Variants in INA observed in about 807,000 individuals in gnomAD.
INA encodes the protein internexin neuronal intermediate filament protein alpha.
In INA, 35 loss-of-function variants were observed where a neutral mutation model predicts 40.1. The ratio of observed to expected loss-of-function variants is 0.87; its 90% confidence interval spans 0.67 to 1.16. The LOEUF is 1.16. INA is among the 50% of genes most tolerant of loss of function. The pLI is 0.00. For missense variants in INA, 594 were observed against 686.7 expected (o/e 0.87, Z 1.51); for synonymous variants, 290 against 316.9 (o/e 0.92, Z 0.90).
Position 103,288,568 on chromosome 10 carries a change from G to C in INA, c.1399G>C (p.Gly467Arg). Residue 467 changes from glycine to arginine, a missense_variant, in exon 3 of 3, where the codon GGG (glycine) becomes CGG (arginine). By Grantham distance (125) the Gly-to-Arg change is moderately radical. Around this residue, in one of 2 missense-constraint regions of INA, gnomAD observed 379 missense variants for 496.1 expected, o/e 0.76. Coordinates refer to ENST00000369849, the MANE Select transcript of INA (RefSeq NM_032727.4). ...AGCCTCTAAGAAAACCTCCCAGATA[G>C]GGGAAAGTTTTGAAGAAATATTAGA... is the stretch of plus-strand genomic sequence containing the variant. ...KVASKKTSQI[G>R]ESFEEILEET... 6.2e-7 allele frequency: 1 copy of C among 1,613,594 alleles called. No individual in the cohort carries two copies. The highest frequency in any genetic ancestry group is 8.5e-7 in the Non-Finnish European group (1 of 1,179,678).
chr10:103,277,621 C>G lies in INA; in HGVS notation c.410C>G (p.Ser137Trp), dbSNP rs1349065653. 6.7e-7 allele frequency: 1 copy of G among 1,486,922 alleles called. No homozygotes were observed. Among genetic ancestry groups the G allele is most frequent in the Non-Finnish European group, 8.9e-7 (1 of 1,124,200 alleles). The allele number at this position is 1,486,922 out of a possible 1,614,324, so 92.1% of individuals were successfully genotyped here. Residue 137 changes from serine to tryptophan, a missense_variant, in exon 1 of 3, where the codon TCG becomes TGG. Physicochemically the swap from Ser to Trp is radical, Grantham distance 177. Coordinates refer to ENST00000369849, the MANE Select transcript of INA (RefSeq NM_032727.4). This position sits in a 1 kb window ranked among gnomAD's most constrained non-coding sequence, Gnocchi z 5.6. The part of the protein sequence containing the change: ...AALRQRHAEP[S>W]RVGELFQREL... The stretch of plus-strand genomic sequence containing the variant: ...CTGCGACAGCGCCACGCTGAGCCGT[C>G]GCGCGTCGGCGAGCTCTTCCAGCGC...
intron 1 of INA, among the ~76,000 whole-genome samples, chr10:103,283,501 A>G (rs1392697373): frequency 6.6e-6 from 1 of 152,162 alleles, no homozygotes; most frequent in African/African-American, 2.4e-5. Flanking sequence ...ACTGACTGTC[A>G]TTCCTTGTTC....
At chr10:103,279,700 A>G (rs2093068705) in intron 1 of INA, among the ~76,000 whole-genome samples, 1 of 152,260 alleles carries the variant, frequency 6.6e-6, no homozygotes, top group Non-Finnish European at 1.5e-5. Context: ...CATTTTAATC[A>G]GAAGCTAAAG....
intron 1 of INA, among the ~76,000 whole-genome samples, chr10:103,284,064 C>T (rs563087625): frequency 1.1e-4 from 17 of 151,760 alleles, no homozygotes; most frequent in Admixed American, 9.2e-4. Context: ...CCACCATGCC[C>T]GGCCCTGCAT....
rs1381626268 is a variant in INA at position 103,289,074 on chromosome 10, A to C, written c.*405A>C. The C allele has an allele frequency of 6.4e-6, 1 of 155,658 alleles. No individual in the cohort carries two copies. The highest frequency in any genetic ancestry group is 1.4e-5 in the Non-Finnish European group (1 of 70,302). The allele number at this position is 155,658 out of a possible 1,614,324, so 9.6% of individuals were successfully genotyped here. On this transcript the variant is annotated 3_prime_UTR_variant, in exon 3 of 3. Coordinates refer to ENST00000369849, the MANE Select transcript of INA (RefSeq NM_032727.4). ...TTACTCTAGATACCTAAAACATAAG[A>C]TCACTGCCAGAGATAAACTAATGGT...
intron 1 of INA, among the ~76,000 whole-genome samples, chr10:103,279,730 G>A (rs965206642): frequency 5.3e-5 from 8 of 152,138 alleles, no homozygotes; most frequent in East Asian, 1.9e-4. Context: ...TGATGTGCAG[G>A]TATTTGCTGT....
At chr10:103,286,688 T>C (rs2093086931) in intron 1 of INA, among the ~76,000 whole-genome samples, 1 of 147,784 alleles carries the variant, frequency 6.8e-6, no homozygotes, top group Admixed American at 6.7e-5. Context: ...GGAGGGATGG[T>C]AAGTGTAAAA....
At chr10:103,280,105 G>A (rs2093069611) in intron 1 of INA, 1 of 1,206,144 alleles carries the variant, frequency 8.3e-7, no homozygotes, top group Non-Finnish European at 1.1e-6. Flanking sequence ...TGCCTGGCTT[G>A]TTTGCTGTAA....
chr10:103,287,056 A>G lies in INA; in HGVS notation c.1087A>G (p.Asn363Asp), dbSNP rs2093087912. Reference protein sequence around the residue: ...GYQDSIGQLENDLRNTKSEMA... With the variant: ...GYQDSIGQLEDDLRNTKSEMA... ...TCAGGATAGCATTGGGCAGCTGGAG[A>G]ATGATCTGAGGAACACCAAGAGTGA... The change falls in exon 2 of 3, where the codon AAT becomes GAT. Residue 363 changes from asparagine (N) to aspartate (D), a missense_variant. Asn to Asp is a conservative substitution (Grantham distance 23, BLOSUM62 1). This residue lies in a region of INA where 379 missense variants were observed against 496.1 expected (regional missense o/e 0.76). Coordinates refer to ENST00000369849, the MANE Select transcript of INA (RefSeq NM_032727.4). 1.2e-6 allele frequency: 2 copies of G among 1,613,836 alleles called. No individual in the cohort carries two copies. Among genetic ancestry groups the G allele is most frequent in the Admixed American group, 1.7e-5 (1 of 59,980 alleles).
At position 103,277,350 on chromosome 10, in the gene INA, A is replaced by C. The variant is rs2093061477; in HGVS notation, c.139A>C (p.Asn47His). ...GFRSQSLSRS[N>H]VASSAACSSA... Reference sequence around the variant, plus strand: ...CCGCTCGCAGTCGCTGTCCCGCAGCAATGTGGCCTCCTCGGCCGCCTGCTC... The same window carrying C: ...CCGCTCGCAGTCGCTGTCCCGCAGCCATGTGGCCTCCTCGGCCGCCTGCTC... The change falls in exon 1 of 3, where the codon AAT becomes CAT. Residue 47 changes from asparagine (N) to histidine (H), a missense_variant. Coordinates refer to ENST00000369849, the MANE Select transcript of INA (RefSeq NM_032727.4). This position sits in a 1 kb window ranked among gnomAD's most constrained non-coding sequence, Gnocchi z 5.6. 6.3e-7 allele frequency: 1 copy of C among 1,578,810 alleles called. No homozygotes were observed. The highest frequency in any genetic ancestry group is 8.6e-7 in the Non-Finnish European group (1 of 1,168,808).
chr10:103,278,023 A>C lies in INA; in HGVS notation c.812A>C (p.Gln271Pro), dbSNP rs1242785301. 1.2e-6 allele frequency: 2 copies of C among 1,610,756 alleles called. No homozygotes were observed. Among genetic ancestry groups the C allele is most frequent in the Non-Finnish European group, 1.7e-6 (2 of 1,178,704 alleles). Reference sequence around the variant, plus strand: ...TCGGCTCTGAGGGAGATCCGCGCCCAGTATGAGTCCCTGGCCGCTAAGAAC... The same window carrying C: ...TCGGCTCTGAGGGAGATCCGCGCCCCGTATGAGTCCCTGGCCGCTAAGAAC... ...LTSALREIRA[Q>P]YESLAAKNLQ... The change falls in exon 1 of 3, where the codon CAG (glutamine) becomes CCG (proline). Residue 271 changes from glutamine to proline, a missense_variant. By Grantham distance (76) the Gln-to-Pro change is moderately conservative. Transcript: ENST00000369849. The surrounding 1 kb of genome is among the most constrained non-coding windows in gnomAD (Gnocchi z 4.9).
In INA at chr10:103,288,425, C is replaced by T. The variant is rs2093091768; in HGVS notation, c.1256C>T (p.Pro419Leu). The change falls in exon 3 of 3, where the codon CCA becomes CTA. Residue 419 changes from proline to leucine, a missense_variant. Around this residue, in one of 2 missense-constraint regions of INA, gnomAD observed 379 missense variants for 496.1 expected, o/e 0.76. Transcript: ENST00000369849. Reference protein sequence around the residue: ...TSGLSISGLNPLPNPSYLLPP... With the variant: ...TSGLSISGLNLLPNPSYLLPP... ...GGGTTAAGCATTTCGGGGCTGAATCCACTTCCCAATCCAAGTTACCTGCTC... is the reference window on the plus strand; with the variant it reads ...GGGTTAAGCATTTCGGGGCTGAATCTACTTCCCAATCCAAGTTACCTGCTC... 3.1e-6 allele frequency: 5 copies of T among 1,613,502 alleles called. No homozygotes were observed. The highest frequency in any genetic ancestry group is 4.2e-6 in the Non-Finnish European group (5 of 1,179,864).
chr10:103,288,271 C>A lies in INA; in HGVS notation c.1191-89C>A, dbSNP rs941200733. On this transcript the variant is annotated intron_variant, in intron 2 of 2. Transcript: ENST00000369849. ...AAGAAACTCCAAAGTCCTTTGGAATCTCTCTCAAATGAATCAGGATTGGAG... is the reference window on the plus strand; with the variant it reads ...AAGAAACTCCAAAGTCCTTTGGAATATCTCTCAAATGAATCAGGATTGGAG... The A allele has an allele frequency of 1.2e-5, 14 of 1,144,034 alleles. No individual in the cohort carries two copies. In the Admixed American group the frequency reaches 2.6e-4, roughly 21 times the overall value. The allele number at this position is 1,144,034 out of a possible 1,614,324, so 70.9% of individuals were successfully genotyped here.
Position 103,287,204 on chromosome 10 carries a change from G to A in INA, c.1190+45G>A, listed in dbSNP as rs752822955. On this transcript the variant is annotated intron_variant, in intron 2 of 2. Coordinates refer to ENST00000369849, the MANE Select transcript of INA (RefSeq NM_032727.4). ...TACCCGAGTAAATCCAGTCACCTAG[G>A]GGCAATGCTGCCCAAATAAGTGGAT... The A allele has an allele frequency of 2.5e-6, 4 of 1,586,510 alleles. No individual in the cohort carries two copies. In the South Asian group the frequency reaches 4.6e-5, roughly 18 times the overall value.
chr10:103,288,095 C>G (rs189824279), intron 2 of INA, among the ~76,000 whole-genome samples: 1 of 152,258 alleles, frequency 6.6e-6, no homozygotes, highest in African/African-American at 2.4e-5. Context: ...GGTTTTCCTC[C>G]TGGAATATAT....
chr10:103,288,930 C>G lies in INA; in HGVS notation c.*261C>G, dbSNP rs1470562069. 3.8e-6 allele frequency: 1 copy of G among 260,500 alleles called. No homozygotes were observed. The highest frequency in any genetic ancestry group is 7.2e-6 in the Non-Finnish European group (1 of 138,002). The allele number at this position is 260,500 out of a possible 1,614,324, so 16.1% of individuals were successfully genotyped here. On this transcript the variant is annotated 3_prime_UTR_variant, in exon 3 of 3. Coordinates refer to ENST00000369849, the MANE Select transcript of INA (RefSeq NM_032727.4). ...CCTTCAGCTCACGCTTCACAGTGATCGATGATTCAGGTGCAGAGGAAGTAC... is the reference window on the plus strand; with the variant it reads ...CCTTCAGCTCACGCTTCACAGTGATGGATGATTCAGGTGCAGAGGAAGTAC...
In INA at chr10:103,288,462, C is replaced by G. The variant is rs1159446755; in HGVS notation, c.1293C>G (p.Ile431Met). The change falls in exon 3 of 3, where the codon ATC (isoleucine) becomes ATG (methionine). Residue 431 changes from isoleucine (I) to methionine (M), a missense_variant. Coordinates refer to ENST00000369849, the MANE Select transcript of INA (RefSeq NM_032727.4). ...PNPSYLLPPR[I>M]LSATTSKVSS... is the part of the protein sequence containing the mutation. Reference sequence around the variant, plus strand: ...CAAGTTACCTGCTCCCACCTAGAATCCTCAGTGCTACAACCTCCAAAGTCT... The same window carrying G: ...CAAGTTACCTGCTCCCACCTAGAATGCTCAGTGCTACAACCTCCAAAGTCT... The G allele has an allele frequency of 2.5e-6, 4 of 1,613,890 alleles. No individual in the cohort carries two copies. In the African/African-American group the frequency reaches 4.0e-5, roughly 16 times the overall value.
At position 103,277,138 on chromosome 10, in the gene INA, G is replaced by A; in HGVS notation, c.-74G>A. 2.1e-6 allele frequency: 3 copies of A among 1,458,724 alleles called. No individual in the cohort carries two copies. Among genetic ancestry groups the A allele is most frequent in the Non-Finnish European group, 2.7e-6 (3 of 1,111,198 alleles). The allele number at this position is 1,458,724 out of a possible 1,614,324, so 90.4% of individuals were successfully genotyped here. A position where few individuals can be genotyped will look rare whatever the true frequency, so the allele number is the denominator to read the frequency against. On this transcript the variant is annotated 5_prime_UTR_variant, in exon 1 of 3. Coordinates refer to ENST00000369849, the MANE Select transcript of INA (RefSeq NM_032727.4). The surrounding 1 kb of genome is among the most constrained non-coding windows in gnomAD (Gnocchi z 5.6). ...AAAGCCGGGCGCACCGCCCCGCCGC[G>A]CCCTGCCTGCCGCACCTCTCCTTTC... is the stretch of plus-strand genomic sequence containing the variant.
chr10:103,283,513 G>A lies in INA; in HGVS notation c.1066-3522G>A, dbSNP rs552467489. 2.0e-5 allele frequency among the ~76,000 whole-genome samples: 3 copies of A among 152,160 alleles called. No individual in the cohort carries two copies. The East Asian group carries it at 5.8e-4, about 29-fold the overall frequency. On this transcript the variant is annotated intron_variant, in intron 1 of 2. Transcript: ENST00000369849. ...CCTACTGACTGTCATTCCTTGTTCT[G>A]TACCCATCAGTCAATTGAGACTCCT... is the stretch of plus-strand genomic sequence containing the variant.
Sources: allele counts gnomAD v4.1 joint callset (sites outside exome capture counted in the v4.1 genomes callset), GRCh38; gene constraint gnomAD v4.1.1; regional missense constraint gnomAD v4.1.1; non-coding constraint Gnocchi (gnomAD v3.1); transcripts MANE v1.5; gene names NCBI Gene and HGNC (gene_info 2026-07-23, HGNC 2026-07-21).